The following LAMA2 variants were observed in gnomAD, a reference collection of about 807,000 sequenced individuals.
LAMA2 encodes laminin subunit alpha-2.
Under a neutral mutation model 364.8 loss-of-function variants are expected in LAMA2, and 269 were observed. The ratio of observed to expected loss-of-function variants is 0.74; its 90% CI spans 0.67 to 0.82. The LOEUF is 0.82. LAMA2 is among the 40% of genes least tolerant of loss of function. LAMA2 has a pLI of 0.00. For missense variants in LAMA2, 3,807 were observed against 3,873.2 expected (o/e 0.98, Z 0.45); for synonymous variants, 1,379 against 1,370.6 (o/e 1.01, Z -0.14).
chr6:129,503,663 A>AT (rs1785823360), intron 60 of LAMA2, among the ~76,000 whole-genome samples: 1 of 152,236 alleles, frequency 6.6e-6, no homozygotes, highest in Non-Finnish European at 1.5e-5. Flanking sequence ...AGATTATATT[A>AT]TAGCATTTTT....
At chr6:129,166,700 G>A (rs1779762612) in intron 9 of LAMA2, among the ~76,000 whole-genome samples, 1 of 152,090 alleles carries the variant, frequency 6.6e-6, no homozygotes, top group Non-Finnish European at 1.5e-5. Context: ...TATGATCACA[G>A]AATAAAAATG....
intron 34 of LAMA2, among the ~76,000 whole-genome samples, chr6:129,371,597 A>G (rs184021881): frequency 6.8e-6 from 1 of 147,112 alleles, no homozygotes; most frequent in South Asian, 2.2e-4. Context: ...TAGAGACACA[A>G]AAAGTATTTC....
intron 29 of LAMA2, among the ~76,000 whole-genome samples, chr6:129,330,052 A>T (rs1336270110): frequency 6.6e-6 from 1 of 151,392 alleles, no homozygotes; most frequent in Non-Finnish European, 1.5e-5. Flanking sequence ...ATGATCAATG[A>T]TCTGTCACTG....
At chr6:129,497,902 T>C (rs78257470) in intron 58 of LAMA2, among the ~76,000 whole-genome samples, 395 of 152,370 alleles carry the variant, frequency 2.6e-3, no homozygotes, top group African/African-American at 9.2e-3. Context: ...TATACTTCTC[T>C]CTTATTCTTT....
intron 55 of LAMA2, among the ~76,000 whole-genome samples, chr6:129,482,162 A>G (rs1784378973): frequency 6.6e-6 from 1 of 152,268 alleles, no homozygotes; most frequent in Admixed American, 6.5e-5. Flanking sequence ...TTAAAAATTA[A>G]ATGGGCATGG....
chr6:129,114,353 T>G (rs909040531), intron 4 of LAMA2, among the ~76,000 whole-genome samples: 4 of 152,052 alleles, frequency 2.6e-5, no homozygotes, highest in African/African-American at 4.8e-5. Context: ...AACCCACAGC[T>G]GCAGAAATGA....
intron 17 of LAMA2, among the ~76,000 whole-genome samples, chr6:129,277,690 G>A (rs1562406989): frequency 6.6e-6 from 1 of 152,104 alleles, no homozygotes; most frequent in Non-Finnish European, 1.5e-5. Context: ...AAGAAAAACT[G>A]TGCCTGCCCT....
chr6:129,513,471 C>A (rs1443681743), intron 63 of LAMA2, among the ~76,000 whole-genome samples: 1 of 152,140 alleles, frequency 6.6e-6, no homozygotes, highest in Non-Finnish European at 1.5e-5. Context: ...CTTTTACATG[C>A]AAAAGCCTGT....
chr6:129,480,264 A>C (rs1457854318), intron 54 of LAMA2, among the ~76,000 whole-genome samples: 1 of 152,220 alleles, frequency 6.6e-6, no homozygotes, highest in African/African-American at 2.4e-5. Context: ...GGAGGAAAAT[A>C]GCCTACATTA....
intron 18 of LAMA2, among the ~76,000 whole-genome samples, chr6:129,281,300 A>G (rs1401687442): frequency 6.6e-6 from 1 of 152,156 alleles, no homozygotes; most frequent in Non-Finnish European, 1.5e-5. Flanking sequence ...AGACAGATTT[A>G]CATCAAGTGC....
Position 129,383,205 on chromosome 6 carries a change from C to A in LAMA2, c.5043C>A (p.Phe1681Leu). The A allele has an allele frequency of 6.2e-7, 1 of 1,613,382 alleles. No homozygotes were observed. Among genetic ancestry groups the A allele is most frequent in the African/African-American group, 1.3e-5 (1 of 74,996 alleles). ...TNTRAKSLGE[F>L]IKELARDAEA... ...CAAGAGCAAAGTCCCTGGGAGAATTCATTAAGGAGCTTGCCCGGGATGCAG... is the reference window on the plus strand; with the variant it reads ...CAAGAGCAAAGTCCCTGGGAGAATTAATTAAGGAGCTTGCCCGGGATGCAG... Residue 1681 changes from phenylalanine (F) to leucine (L), a missense_variant, in exon 35 of 65, where the codon TTC becomes TTA. Phe to Leu is a conservative substitution (Grantham distance 22, BLOSUM62 0). Transcript: ENST00000421865.
chr6:129,041,676 T>C (rs1787106202), intron 1 of LAMA2, among the ~76,000 whole-genome samples: 1 of 152,162 alleles, frequency 6.6e-6, no homozygotes, highest in Non-Finnish European at 1.5e-5. Flanking sequence ...GTTGAAAGAA[T>C]CATACAGTGA....
At position 129,460,324 on chromosome 6, in the gene LAMA2, G is replaced by C; in HGVS notation, c.6992G>C (p.Ser2331Thr). ...GGTGACTGCAAAGGATGCACTGTCAGGTTAGTTGAGATGAGAACTCTCCCA... is the reference window on the plus strand; with the variant it reads ...GGTGACTGCAAAGGATGCACTGTCACGTTAGTTGAGATGAGAACTCTCCCA... ...KEGDCKGCTV[S>T]PQVEDSEGTI... Residue 2331 changes from serine (S) to threonine (T), a missense_variant and splice_region_variant, in exon 49 of 65, where the codon AGT (serine) becomes ACT (threonine). Ser to Thr is a moderately conservative substitution (Grantham distance 58). Transcript: ENST00000421865. 1 of 1,611,962 alleles carries C rather than the reference G, an allele frequency of 6.2e-7. No homozygotes were observed. The highest frequency in any genetic ancestry group is 8.5e-7 in the Non-Finnish European group (1 of 1,178,526).
At chr6:129,264,201 AG>A (rs1696280909) in intron 15 of LAMA2, among the ~76,000 whole-genome samples, 1 of 152,218 alleles carries the variant, frequency 6.6e-6, no homozygotes, top group Admixed American at 6.5e-5. Flanking sequence ...GAATATAAAA[AG>A]AGTTAGCATA....
At position 128,971,685 on chromosome 6, in the gene LAMA2, A is replaced by C. The variant is rs181641404; in HGVS notation, c.113-78233A>C. On this transcript the variant is annotated intron_variant, in intron 1 of 64. Transcript: ENST00000421865. ...GATGGTAAGAAAAGCTGAAAAAGGT[A>C]GGGGAGAAAGTGGACAAAGATGTGA... 3.8e-3 allele frequency among the ~76,000 whole-genome samples: 581 copies of C among 152,320 alleles called. 4 individuals carry two copies. The highest frequency in any genetic ancestry group is 0.013 in the African/African-American group (559 of 41,564).
intron 20 of LAMA2, among the ~76,000 whole-genome samples, chr6:129,296,339 A>G (rs867449278): frequency 1.1e-4 from 17 of 151,966 alleles, no homozygotes; most frequent in Middle Eastern, 6.8e-3. Flanking sequence ...AGTTTTTTTT[A>G]TATAGGTGAA....
At chr6:129,325,708 C>T (rs924825759) in intron 28 of LAMA2, among the ~76,000 whole-genome samples, 1 of 151,982 alleles carries the variant, frequency 6.6e-6, no homozygotes, top group Admixed American at 6.5e-5. Context: ...CTGAGTTAAC[C>T]TACTCATTTG....
intron 1 of LAMA2, among the ~76,000 whole-genome samples, chr6:128,994,459 T>A (rs1420904393): frequency 6.6e-6 from 1 of 152,240 alleles, no homozygotes; most frequent in Non-Finnish European, 1.5e-5. Flanking sequence ...CTTATGGTAC[T>A]TTGATTCAAT....
At chr6:129,299,163 C>T (rs1773390941) in intron 21 of LAMA2, among the ~76,000 whole-genome samples, 1 of 151,636 alleles carries the variant, frequency 6.6e-6, no homozygotes, top group African/African-American at 2.4e-5. Flanking sequence ...AAGCACAAAA[C>T]AGGAAGAATA....
Sources: allele counts gnomAD v4.1 joint callset (sites outside exome capture counted in the v4.1 genomes callset), GRCh38; gene constraint gnomAD v4.1.1; transcripts MANE v1.5; gene names NCBI Gene and HGNC (gene_info 2026-07-23, HGNC 2026-07-21).